Variants in SLC35F4 observed in about 807,000 individuals in gnomAD.
SLC35F4 encodes the protein chromosome 14 open reading frame 36.
A neutral mutation model predicts 44.2 loss-of-function variants in SLC35F4; 24 were observed. That is an observed-to-expected ratio of 0.54 (90% CI 0.39 to 0.76). The LOEUF is 0.76. Among genes scored for constraint, SLC35F4 ranks in the 30% least tolerant of loss-of-function variants. SLC35F4 has a pLI of 0.00. For missense variants in SLC35F4, 562 were observed against 586.1 expected (o/e 0.96, Z 0.42); for synonymous variants, 238 against 223.6 (o/e 1.06, Z -0.57).
At chr14:57,937,581 GAAAAGAA>G (rs1566505488) in intron 1 of SLC35F4, among the ~76,000 whole-genome samples, 5 of 91,982 alleles carry the variant, frequency 5.4e-5, no homozygotes, top group East Asian at 2.8e-4. Context: ...AAAGAGAAAA[GAAAAGAA>G]AGAAAAGAAA....
chr14:57,972,797 A>G (rs1031280172), downstream of SLC35F4, among the ~76,000 whole-genome samples: 1 of 152,160 alleles, frequency 6.6e-6, no homozygotes, highest in Non-Finnish European at 1.5e-5. Context: ...CCTCCCCTCC[A>G]TTCTCGTACC....
chr14:57,796,895 G>A (rs1315301312), intron 1 of SLC35F4, among the ~76,000 whole-genome samples: 5 of 152,162 alleles, frequency 3.3e-5, no homozygotes, highest in African/African-American at 1.2e-4. Context: ...CAGATGACAG[G>A]TGACATTAAT....
At chr14:57,616,908 C>T (rs2071863962) in intron 1 of SLC35F4, among the ~76,000 whole-genome samples, 2 of 152,152 alleles carry the variant, frequency 1.3e-5, no homozygotes, top group East Asian at 1.9e-4. Flanking sequence ...TCTTCTTCCT[C>T]GCCCCATCCC....
At chr14:57,695,327 A>G (rs1033997453) in intron 1 of SLC35F4, among the ~76,000 whole-genome samples, 58 of 151,796 alleles carry the variant, frequency 3.8e-4, no homozygotes, top group Non-Finnish European at 6.5e-4. Flanking sequence ...TTTACAAGAA[A>G]AAAACAAACA....
intron 1 of SLC35F4, among the ~76,000 whole-genome samples, chr14:57,815,025 C>T (rs544738971): frequency 2.0e-5 from 3 of 152,166 alleles, no homozygotes; most frequent in Non-Finnish European, 4.4e-5. Context: ...TGAATACAGT[C>T]ATACTCATTT....
At chr14:57,793,107 C>T (rs2077967666) in intron 1 of SLC35F4, among the ~76,000 whole-genome samples, 1 of 152,068 alleles carries the variant, frequency 6.6e-6, no homozygotes, top group Admixed American at 6.6e-5. Context: ...CTAACCTCGT[C>T]TTATCACAAA....
At chr14:57,701,090 G>A (rs1461001794) in intron 1 of SLC35F4, among the ~76,000 whole-genome samples, 1 of 151,956 alleles carries the variant, frequency 6.6e-6, no homozygotes, top group Non-Finnish European at 1.5e-5. Context: ...TCCCACTTTG[G>A]CCTCCCAAAG....
At chr14:57,853,780 G>C (rs1182914438) in intron 1 of SLC35F4, among the ~76,000 whole-genome samples, 1 of 152,156 alleles carries the variant, frequency 6.6e-6, no homozygotes, top group Non-Finnish European at 1.5e-5. Context: ...ATGAAAGACA[G>C]AGCAAGAAGT....
chr14:57,855,960 G>T (rs1318784831), intron 1 of SLC35F4, among the ~76,000 whole-genome samples: 1 of 150,984 alleles, frequency 6.6e-6, no homozygotes, highest in Non-Finnish European at 1.5e-5. Flanking sequence ...AACACCACAT[G>T]TTCTCACTCA....
chr14:57,607,077 G>A (rs1392131485), intron 1 of SLC35F4, among the ~76,000 whole-genome samples: 3 of 152,294 alleles, frequency 2.0e-5, no homozygotes, highest in African/African-American at 7.2e-5. Flanking sequence ...TAAATGCCGA[G>A]TGGGTGGACA....
downstream of SLC35F4, among the ~76,000 whole-genome samples, chr14:57,974,001 A>T (rs557050713): frequency 2.0e-5 from 3 of 152,224 alleles, no homozygotes; most frequent in South Asian, 6.2e-4. Flanking sequence ...CTACCCCAAG[A>T]GTTAGTGGCT....
intron 1 of SLC35F4, among the ~76,000 whole-genome samples, chr14:57,900,887 A>T (rs1728246793): frequency 6.6e-6 from 1 of 152,264 alleles, no homozygotes; most frequent in South Asian, 2.1e-4. Flanking sequence ...TCAAAAGAAG[A>T]CATACATGCA....
intron 1 of SLC35F4, among the ~76,000 whole-genome samples, chr14:57,604,637 CA>C (rs1311294264): frequency 6.6e-6 from 1 of 152,058 alleles, no homozygotes; most frequent in Non-Finnish European, 1.5e-5. Context: ...AAAAAGAGCC[CA>C]AATAGCTAAA....
chr14:57,812,007 C>T (rs1336484626), intron 1 of SLC35F4, among the ~76,000 whole-genome samples: 1 of 151,942 alleles, frequency 6.6e-6, no homozygotes, highest in Non-Finnish European at 1.5e-5. Context: ...ATAATAAGGT[C>T]AAATGTCTGA....
intron 1 of SLC35F4, among the ~76,000 whole-genome samples, chr14:57,817,470 C>A (rs1882728064): frequency 6.6e-6 from 1 of 152,104 alleles, no homozygotes; most frequent in Non-Finnish European, 1.5e-5. Flanking sequence ...CCAAGAGCTA[C>A]CATGCTTCCC....
intron 1 of SLC35F4, among the ~76,000 whole-genome samples, chr14:57,679,934 C>G (rs1361176301): frequency 2.0e-5 from 3 of 152,056 alleles, no homozygotes; most frequent in Non-Finnish European, 4.4e-5. Context: ...TAGCCAAATA[C>G]TACCAGAGGC....
At chr14:57,655,703 C>A (rs755233819) in intron 1 of SLC35F4, among the ~76,000 whole-genome samples, 52 of 152,166 alleles carry the variant, frequency 3.4e-4, no homozygotes, top group Non-Finnish European at 7.2e-4. Flanking sequence ...GCACCTCAGG[C>A]ACCCAAGACC....
chr14:57,780,433 G>A (rs574657612), intron 1 of SLC35F4, among the ~76,000 whole-genome samples: 5 of 151,704 alleles, frequency 3.3e-5, no homozygotes, highest in Non-Finnish European at 3.0e-5. Context: ...AAAAAAAATC[G>A]GAGATGACAC....
At chr14:57,633,694 C>G (rs1210783070) in intron 1 of SLC35F4, among the ~76,000 whole-genome samples, 2 of 152,068 alleles carry the variant, frequency 1.3e-5, no homozygotes, top group Non-Finnish European at 2.9e-5. Flanking sequence ...AGTCTCCCTC[C>G]TCTATCCCAG....
Sources: allele counts gnomAD v4.1 joint callset (sites outside exome capture counted in the v4.1 genomes callset), GRCh38; gene constraint gnomAD v4.1.1; transcripts MANE v1.5; gene names NCBI Gene and HGNC (gene_info 2026-07-23, HGNC 2026-07-21).